Variants in ZFHX3 observed in about 807,000 individuals in gnomAD.
ZFHX3 encodes the protein zinc finger homeobox protein 3.
A neutral mutation model predicts 279.1 loss-of-function variants in ZFHX3; 42 were observed. The ratio of observed to expected loss-of-function variants is 0.15; its 90% confidence interval spans 0.12 to 0.19. The LOEUF (loss-of-function observed/expected upper bound fraction) is 0.19. Among genes scored for constraint, ZFHX3 ranks in the 10% least tolerant of loss-of-function variants. The probability of loss-of-function intolerance (pLI) is 1.00; values close to 1 mark genes in which losing one functional copy is unlikely to be tolerated. For missense variants in ZFHX3, 4,981 were observed against 4,754.0 expected (o/e 1.05, Z -1.40); for synonymous variants, 2,293 against 1,957.8 (o/e 1.17, Z -4.52).
chr16:73,198,222 C>A (rs906108409), intron 5 of ZFHX3, among the ~76,000 whole-genome samples: 1 of 151,916 alleles, frequency 6.6e-6, no homozygotes, highest in Non-Finnish European at 1.5e-5. Flanking sequence ...CAGGTGTGAG[C>A]CACCATGCCC....
Position 72,811,643 on chromosome 16 carries a change from G to A in ZFHX3, c.3798C>T (p.His1266=). The change falls in exon 7 of 10, where the codon CAC becomes CAT. Residue 1266 remains histidine (H), a synonymous_variant. Coordinates refer to ENST00000268489, the MANE Select transcript of ZFHX3 (RefSeq NM_006885.4). ...LCQDMLNNKI[H]LQLHLTHLHS... is the part of the protein sequence containing the mutation. The stretch of plus-strand genomic sequence containing the variant: ...GGAGGTGGGTGAGGTGCAGCTGGAG[G>A]TGGATCTTGTTGTTGAGCATGTCCT... 6.2e-7 allele frequency: 1 copy of A among 1,613,592 alleles called. No individual in the cohort carries two copies. The highest frequency in any genetic ancestry group is 8.5e-7 in the Non-Finnish European group (1 of 1,179,740).
chr16:73,257,208 C>G (rs1445131581), intron 4 of ZFHX3: 1 of 152,178 alleles, frequency 6.6e-6, no homozygotes, highest in African/African-American at 2.4e-5. Context: ...TGTATCAAAA[C>G]AACAGTACAT....
At chr16:72,908,620 C>T (rs1371557288) in intron 3 of ZFHX3, among the ~76,000 whole-genome samples, 1 of 152,188 alleles carries the variant, frequency 6.6e-6, no homozygotes, top group Non-Finnish European at 1.5e-5. Context: ...CTCTGGGTGT[C>T]AGTCCCGCTG....
In ZFHX3 at chr16:73,223,566, G is replaced by A. The variant is rs556407046; in HGVS notation, c.-1104+33481C>T. On this transcript the variant is annotated intron_variant, in intron 5 of 17. Coordinates refer to the ZFHX3 transcript ENST00000641206. ...ACAACCCCATATGAAATACTGGTGA[G>A]GATATGGAGCAATAGGAACTCTCAT... 1.6e-4 allele frequency among the ~76,000 whole-genome samples: 24 copies of A among 152,296 alleles called. No homozygotes were observed. The South Asian group carries it at 5.0e-3, about 32-fold the overall frequency.
Position 72,787,723 on chromosome 16 carries a change from C to T in ZFHX3, c.10553G>A (p.Gly3518Asp). The part of the protein sequence containing the change: ...GGGGGSGGGG[G>D]GGGGGGGGGS... ...GCCGCCGCCGCCGCCGCCGCCACCG[C>T]CGCCGCCGCCGCCACTGCCACCGCC... Residue 3518 changes from glycine to aspartate, a missense_variant, in exon 10 of 10, where the codon GGC (glycine) becomes GAC (aspartate). Coordinates refer to ENST00000268489, the MANE Select transcript of ZFHX3 (RefSeq NM_006885.4). 1 of 1,380,902 alleles carries T rather than the reference C, an allele frequency of 7.2e-7. No homozygotes were observed. Among genetic ancestry groups the T allele is most frequent in the Non-Finnish European group, 9.4e-7 (1 of 1,068,254 alleles). The allele number at this position is 1,380,902 out of a possible 1,614,324, so 85.5% of individuals were successfully genotyped here.
At chr16:73,327,721 T>C (rs890862667) in intron 3 of ZFHX3, among the ~76,000 whole-genome samples, 1 of 152,254 alleles carries the variant, frequency 6.6e-6, no homozygotes, top group Admixed American at 6.5e-5. Flanking sequence ...TGGAGTGTCA[T>C]ATGTTGAGTT....
At chr16:73,156,361 TAAAG>T (rs1446095767) in intron 5 of ZFHX3, among the ~76,000 whole-genome samples, 1 of 151,898 alleles carries the variant, frequency 6.6e-6, no homozygotes, top group African/African-American at 2.4e-5. Flanking sequence ...TTGAGGTACT[TAAAG>T]AAAACTGTGG....
At chr16:73,562,717 A>AG (rs972268199) in intron 2 of ZFHX3, among the ~76,000 whole-genome samples, 10 of 107,002 alleles carry the variant, frequency 9.3e-5, no homozygotes, top group African/African-American at 3.4e-4. Flanking sequence ...TGAGAGGGTC[A>AG]AAAAAAAAAA....
chr16:73,076,465 G>C (rs1222395376), intron 8 of ZFHX3, among the ~76,000 whole-genome samples: 1 of 152,200 alleles, frequency 6.6e-6, no homozygotes, highest in Non-Finnish European at 1.5e-5. Context: ...CAAGTGCCTA[G>C]CAGACTTCCT....
chr16:72,832,687 A>T (rs1597288131), intron 4 of ZFHX3, among the ~76,000 whole-genome samples: 1 of 128,706 alleles, frequency 7.8e-6, no homozygotes, highest in East Asian at 2.2e-4. Context: ...AGCAGGTCCC[A>T]TTCAGCCCAG....
rs9889014 is a variant in ZFHX3, at chr16:73,715,565, T to C, written c.-1607-35325A>G. On this transcript the variant is annotated intron_variant, in intron 1 of 17. Transcript: ENST00000641206. ...GTTAGCAAGTACCACAGCTGGTCTT[T>C]TTTTTTTTTTTTTTTTTTTTTTTTT... Among the ~76,000 whole-genome samples the C allele has an allele frequency of 2.7e-3, 351 of 128,694 alleles. 2 individuals carry two copies. The highest frequency in any genetic ancestry group is 9.7e-3 in the African/African-American group (329 of 33,886). The allele number at this position is 128,694 out of a possible 152,430, so 84.4% of individuals were successfully genotyped here.
chr16:73,659,747 T>C (rs2052760579), intron 2 of ZFHX3, among the ~76,000 whole-genome samples: 1 of 152,214 alleles, frequency 6.6e-6, no homozygotes, highest in South Asian at 2.1e-4. Context: ...GGTTTATCTG[T>C]GTATACTCAT....
At chr16:73,480,861 G>C (rs1281289561) in intron 2 of ZFHX3, among the ~76,000 whole-genome samples, 2 of 152,134 alleles carry the variant, frequency 1.3e-5, no homozygotes, top group African/African-American at 2.4e-5. Flanking sequence ...TATTTTACCA[G>C]TTCATCCTGC....
At chr16:72,878,328 C>T (rs1255966360) in intron 4 of ZFHX3, among the ~76,000 whole-genome samples, 1 of 152,238 alleles carries the variant, frequency 6.6e-6, no homozygotes, top group Non-Finnish European at 1.5e-5. Context: ...GCTACATCCT[C>T]ATCACACACG....
intron 2 of ZFHX3, among the ~76,000 whole-genome samples, chr16:73,616,858 A>G (rs1038544425): frequency 1.3e-5 from 2 of 152,226 alleles, no homozygotes; most frequent in Non-Finnish European, 2.9e-5. Context: ...GAGGAAGGCG[A>G]TAAGTTAAAG....
intron 3 of ZFHX3, among the ~76,000 whole-genome samples, chr16:73,397,023 T>A (rs929026217): frequency 6.6e-6 from 1 of 152,206 alleles, no homozygotes; most frequent in African/African-American, 2.4e-5. Context: ...CATAAGGAAA[T>A]AAACCTAAGC....
chr16:73,874,006 C>T (rs922492458), intron 1 of ZFHX3, among the ~76,000 whole-genome samples: 3 of 152,106 alleles, frequency 2.0e-5, no homozygotes, highest in Non-Finnish European at 4.4e-5. Context: ...GGTATTGCTA[C>T]TGAAAACAGT....
chr16:73,676,434 G>T (rs1201605690), intron 2 of ZFHX3, among the ~76,000 whole-genome samples: 6 of 151,702 alleles, frequency 4.0e-5, no homozygotes, highest in African/African-American at 1.5e-4. Flanking sequence ...TTGACAGTTG[G>T]AGATATAGAG....
At chr16:73,760,525 C>G (rs113132186) in intron 1 of ZFHX3, among the ~76,000 whole-genome samples, 1 of 151,760 alleles carries the variant, frequency 6.6e-6, no homozygotes. Context: ...CAAAACCTGA[C>G]AAAAAAAGAA....
Sources: gnomAD v4.1 joint callset for allele counts (sites outside exome capture counted in the v4.1 genomes callset) on GRCh38, gnomAD v4.1.1 for gene constraint, MANE v1.5 for transcripts, NCBI Gene and HGNC (gene_info 2026-07-23, HGNC 2026-07-21) for gene names.